Variants in MAP7 observed in about 807,000 individuals in gnomAD.
The protein encoded by MAP7 is microtubule associated protein 7.
MAP7 carries 52 observed loss-of-function variants against 94.8 expected under a neutral mutation model. That is an observed-to-expected ratio of 0.55 (90% CI 0.44 to 0.69). The LOEUF is 0.69. Among genes scored for constraint, MAP7 ranks in the 30% least tolerant of loss-of-function variants. The pLI is 0.00. For missense variants in MAP7, 940 were observed against 964.6 expected (o/e 0.97, Z 0.34); for synonymous variants, 350 against 357.0 (o/e 0.98, Z 0.22).
chr6:136,388,124 A>C (rs903877954), intron 5 of MAP7, among the ~76,000 whole-genome samples: 1 of 152,238 alleles, frequency 6.6e-6, no homozygotes, highest in African/African-American at 2.4e-5. Flanking sequence ...GTAGTGTTGA[A>C]GCTAGCATGT....
chr6:136,421,719 G>A lies in MAP7; in HGVS notation c.148C>T (p.His50Tyr). 7 of 1,613,878 alleles carry A rather than the reference G, an allele frequency of 4.3e-6. No homozygotes were observed. The highest frequency in any genetic ancestry group is 5.9e-6 in the Non-Finnish European group (7 of 1,179,886). ...ATCATACCTGGTTTATTTCCTGAGT[G>A]GTTGTTATTTTGTCCTGAAATTGCA... ...ASAISGQNNN[H>Y]SGNKPDPPPV... Residue 50 changes from histidine to tyrosine, a missense_variant, in exon 2 of 18, where the codon CAC (histidine) becomes TAC (tyrosine). By Grantham distance (83) the His-to-Tyr change is moderately conservative. Coordinates refer to ENST00000354570, the MANE Select transcript of MAP7 (RefSeq NM_003980.6).
At chr6:136,502,474 T>C (rs1820075739) in intron 1 of MAP7, among the ~76,000 whole-genome samples, 1 of 152,140 alleles carries the variant, frequency 6.6e-6, no homozygotes, top group Non-Finnish European at 1.5e-5. Context: ...GCACTAGGAG[T>C]GCCTTGTGGA....
intron 1 of MAP7, chr6:136,545,437 A>T (rs1829656188): frequency 6.6e-6 from 1 of 152,242 alleles, no homozygotes; most frequent in African/African-American, 2.4e-5. Context: ...TTCAAGATTC[A>T]TGGGCACAGA....
At chr6:136,450,945 C>G (rs1562414889) in intron 1 of MAP7, among the ~76,000 whole-genome samples, 1 of 152,070 alleles carries the variant, frequency 6.6e-6, no homozygotes, top group Admixed American at 6.6e-5. Flanking sequence ...CCCAAATATG[C>G]CTTTTTGGCA....
At chr6:136,426,443 A>G (rs944346398) in intron 1 of MAP7, among the ~76,000 whole-genome samples, 1 of 152,208 alleles carries the variant, frequency 6.6e-6, no homozygotes, top group Non-Finnish European at 1.5e-5. Context: ...CATACATGAA[A>G]TTGCAACAAT....
intron 1 of MAP7, among the ~76,000 whole-genome samples, chr6:136,474,857 G>A (rs140788500): frequency 5.1e-4 from 78 of 151,888 alleles, no homozygotes; most frequent in African/African-American, 1.6e-3. Flanking sequence ...CCGGGACCAC[G>A]GGTGCACACC....
At chr6:136,444,995 C>T (rs984827812) in intron 1 of MAP7, among the ~76,000 whole-genome samples, 1 of 152,168 alleles carries the variant, frequency 6.6e-6, no homozygotes, top group Admixed American at 6.6e-5. Context: ...CAAGCCTACA[C>T]CTTTGTTAGG....
chr6:136,353,156 G>C (rs1414399120), intron 16 of MAP7, among the ~76,000 whole-genome samples: 1 of 152,096 alleles, frequency 6.6e-6, no homozygotes, highest in Non-Finnish European at 1.5e-5. Flanking sequence ...TTTTCACCCA[G>C]GTAACTTAAA....
chr6:136,358,866 C>T (rs938481460), intron 15 of MAP7, among the ~76,000 whole-genome samples: 26 of 152,122 alleles, frequency 1.7e-4, no homozygotes, highest in Non-Finnish European at 3.7e-4. Flanking sequence ...GCTGGGGGAC[C>T]GGGGCCCCAG....
At chr6:136,375,812 G>A (rs890961580) in intron 7 of MAP7, among the ~76,000 whole-genome samples, 9 of 152,148 alleles carry the variant, frequency 5.9e-5, no homozygotes, top group Non-Finnish European at 1.3e-4. Flanking sequence ...AAGGAGAATG[G>A]AAATGTGTCA....
At chr6:136,394,625 T>C (rs1781777310) in intron 3 of MAP7, among the ~76,000 whole-genome samples, 2 of 151,942 alleles carry the variant, frequency 1.3e-5, no homozygotes, top group Admixed American at 1.3e-4. Context: ...TAATAAATTA[T>C]TGTTAACAGT....
chr6:136,458,825 G>A (rs968302095), intron 1 of MAP7, among the ~76,000 whole-genome samples: 16 of 151,986 alleles, frequency 1.1e-4, no homozygotes, highest in African/African-American at 3.9e-4. Context: ...ATAGGGAGAA[G>A]GTTCATGACA....
chr6:136,456,508 C>T (rs1802899855), intron 1 of MAP7, among the ~76,000 whole-genome samples: 1 of 151,678 alleles, frequency 6.6e-6, no homozygotes, highest in Admixed American at 6.6e-5. Flanking sequence ...CCTGTCTCTA[C>T]AAATAATAAC....
At chr6:136,403,296 C>G (rs1321746660) in intron 3 of MAP7, among the ~76,000 whole-genome samples, 1 of 152,224 alleles carries the variant, frequency 6.6e-6, no homozygotes, top group Non-Finnish European at 1.5e-5. Context: ...ATGTCGTCAG[C>G]TCTTGCTTCA....
At chr6:136,456,822 G>GGAAGATGAAGAAGAAGAA (rs1803286218) in intron 1 of MAP7, among the ~76,000 whole-genome samples, 13 of 69,020 alleles carry the variant, frequency 1.9e-4, no homozygotes, top group Non-Finnish European at 3.4e-4. Context: ...AGAAGAAGAA[G>GGAAGATGAAGAAGAAGAA]GAAGAAGAAG....
intron 1 of MAP7, among the ~76,000 whole-genome samples, chr6:136,431,633 T>A (rs940529849): frequency 2.6e-5 from 4 of 152,152 alleles, no homozygotes; most frequent in African/African-American, 9.7e-5. Flanking sequence ...TTCTCCCGCC[T>A]TAGCCTCCCG....
intron 2 of MAP7, chr6:136,420,073 G>C: frequency 1.2e-6 from 1 of 838,086 alleles, no homozygotes; most frequent in Non-Finnish European, 2.1e-6. Flanking sequence ...AATTACAATG[G>C]AGGGGTCAGT....
intron 1 of MAP7, among the ~76,000 whole-genome samples, chr6:136,532,934 C>T (rs536652752): frequency 6.6e-6 from 1 of 152,370 alleles, no homozygotes; most frequent in East Asian, 1.9e-4. Flanking sequence ...CCACACTACT[C>T]TGATCTCCGC....
chr6:136,361,602 T>C (rs986840519), intron 11 of MAP7, among the ~76,000 whole-genome samples: 2 of 152,240 alleles, frequency 1.3e-5, no homozygotes, highest in African/African-American at 4.8e-5. Context: ...GTAAGCTCCC[T>C]GTTGGAGCCA....
Sources: allele counts gnomAD v4.1 joint callset (sites outside exome capture counted in the v4.1 genomes callset), GRCh38; gene constraint gnomAD v4.1.1; transcripts MANE v1.5; gene names NCBI Gene and HGNC (gene_info 2026-07-23, HGNC 2026-07-21).